The following SPTBN5 variants were observed in gnomAD, a reference collection of about 807,000 sequenced individuals.
SPTBN5 encodes the protein spectrin beta, non-erythrocytic 5, also known as spectrin beta chain, non-erythrocytic 5.
Under a neutral mutation model 477.6 loss-of-function variants are expected in SPTBN5, and 513 were observed. That is an observed-to-expected ratio of 1.07 (90% CI 1.00 to 1.16). SPTBN5 has a LOEUF of 1.16. Among genes scored for constraint, SPTBN5 ranks in the 50% most tolerant of loss-of-function variants. The probability of loss-of-function intolerance (pLI) is 0.00; values close to 1 mark genes in which losing one functional copy is unlikely to be tolerated. For synonymous variants in SPTBN5, 2,169 were observed against 2,011.7 expected (o/e 1.08, Z -2.09); for missense variants, 5,062 against 4,731.8 (o/e 1.07, Z -2.05).
At chr15:41,860,788 C>T (rs779071709) in intron 46 of SPTBN5, 30 bp from the exon 47 acceptor site, 1 of 1,478,664 alleles carries the variant, frequency 6.8e-7, no homozygotes. Flanking sequence ...CAATACTGTC[C>T]ATGAGCCTCC....
rs557456329 is a variant in SPTBN5 at position 41,868,987 on chromosome 15, C to T, written c.5854-386G>A. Reference sequence around the variant, plus strand: ...CTGCTCTTCAAAGGCCCCTTGGCCGCATTTGCCTGGCAAAGCCTTCCCTGG... The same window carrying T: ...CTGCTCTTCAAAGGCCCCTTGGCCGTATTTGCCTGGCAAAGCCTTCCCTGG... On this transcript the variant is annotated intron_variant, in intron 32 of 67. Coordinates refer to ENST00000320955, the MANE Select transcript of SPTBN5 (RefSeq NM_016642.4). Among the ~76,000 whole-genome samples the T allele has an allele frequency of 7.2e-5, 11 of 152,350 alleles. No homozygotes were observed. The East Asian group carries it at 2.1e-3, about 29-fold the overall frequency.
At position 41,851,041 on chromosome 15, in the gene SPTBN5, C is replaced by G; in HGVS notation, c.10835+18G>C. On this transcript the variant is annotated intron_variant, in intron 65 of 67. Transcript: ENST00000320955. ...TGGCTGCTGGGGGTGATGCCGGAGT[C>G]CATGTCTCTCCGCTCACCTTAAGGA... 6.2e-7 allele frequency: 1 copy of G among 1,607,818 alleles called. No homozygotes were observed. Among genetic ancestry groups the G allele is most frequent in the Middle Eastern group, 1.7e-4 (1 of 6,050 alleles).
intron 23 of SPTBN5, 105 bp downstream of exon 23, chr15:41,874,737 A>C (rs1341553722): frequency 8.5e-7 from 1 of 1,172,076 alleles, no homozygotes; most frequent in Non-Finnish European, 1.2e-6. Flanking sequence ...GACTCTACTC[A>C]TAAGGGAGGA....
At position 41,866,453 on chromosome 15, in the gene SPTBN5, T is replaced by C; in HGVS notation, c.6521A>G (p.Glu2174Gly). Residue 2174 changes from glutamate (E) to glycine (G), a missense_variant, in exon 37 of 68, where the codon GAG (glutamate) becomes GGG (glycine). By Grantham distance (98) the Glu-to-Gly change is moderately conservative (BLOSUM62 -2). Transcript: ENST00000320955. ...TCTCAGGTCCCCAGGAGGGACCGGC[T>C]CCTTCAGCTGCTGGGCCCACGCCTG... ...WIQAWAQQLK[E>G]PVPPGDLRDK... The C allele has an allele frequency of 6.3e-7, 1 of 1,598,756 alleles. No homozygotes were observed. The highest frequency in any genetic ancestry group is 1.1e-5 in the South Asian group (1 of 88,804).
Position 41,856,573 on chromosome 15 carries a change from T to C in SPTBN5, c.8834A>G (p.His2945Arg). ...CAGCACCACCCGGGTCAGAGCCTCGTGGCTGCTCATCTCACTCTCCAGGTT... is the reference window on the plus strand; with the variant it reads ...CAGCACCACCCGGGTCAGAGCCTCGCGGCTGCTCATCTCACTCTCCAGGTT... ...HQNLESEMSSHEALTRVVLGT... is the reference protein window; with the variant it reads ...HQNLESEMSSREALTRVVLGT... Residue 2945 changes from histidine (H) to arginine (R), a missense_variant, in exon 53 of 68, where the codon CAC becomes CGC. By Grantham distance (29) the His-to-Arg change is conservative. Coordinates refer to ENST00000320955, the MANE Select transcript of SPTBN5 (RefSeq NM_016642.4). 1.3e-6 allele frequency: 2 copies of C among 1,594,020 alleles called. No individual in the cohort carries two copies. Among genetic ancestry groups the C allele is most frequent in the South Asian group, 1.1e-5 (1 of 88,698 alleles).
chr15:41,879,641 C>T, intron 15 of SPTBN5, 93 bp downstream of exon 15: 1 of 1,592,994 alleles, frequency 6.3e-7, no homozygotes, highest in South Asian at 1.1e-5. Flanking sequence ...CGTCCAGCCT[C>T]TCCATCTGGC....
intron 22 of SPTBN5, 102 bp downstream of exon 22, chr15:41,875,356 G>A: frequency 2.9e-6 from 4 of 1,388,942 alleles, no homozygotes; most frequent in South Asian, 1.4e-5. Context: ...AGAGGCTGCA[G>A]AGCCAGGGTC....
At chr15:41,864,116 C>T (rs749351992) in intron 39 of SPTBN5, 92 bp from the exon 40 acceptor site, 151 of 1,140,354 alleles carry the variant, frequency 1.3e-4, no homozygotes, top group Non-Finnish European at 1.8e-4. Flanking sequence ...GCCTGGGCCC[C>T]GGAGCATGAG....
Position 41,881,937 on chromosome 15 carries a change from G to A in SPTBN5, c.2456C>T (p.Thr819Met). 2 of 1,528,102 alleles carry A rather than the reference G, an allele frequency of 1.3e-6. No individual in the cohort carries two copies. Among genetic ancestry groups the A allele is most frequent in the Admixed American group, 2.0e-5 (1 of 50,872 alleles). 94.7% of individuals were successfully genotyped at this position (1,528,102 alleles called of 1,614,324 possible). Residue 819 changes from threonine to methionine, a missense_variant and splice_region_variant, in exon 12 of 68, where the codon ACG becomes ATG. Transcript: ENST00000320955. The part of the protein sequence containing the change: ...RAASARASLF[T>M]VNSALSPPGE... ...GCCCTTCCCTGTCCCCGTCCTCACC[G>A]TGAATAACGACGCCCGGGCCGAGGC...
At position 41,855,543 on chromosome 15, in the gene SPTBN5, G is replaced by A. The variant is rs760646273; in HGVS notation, c.9218+6C>T. The A allele has an allele frequency of 5.5e-5, 89 of 1,605,744 alleles. No individual in the cohort carries two copies. The highest frequency in any genetic ancestry group is 6.7e-5 in the Non-Finnish European group (79 of 1,175,556). ...CTCCTTCGCGGATGGTGTGGCTTCC[G>A]CCCACCTTTCTGGGTTCTTCCTGCT... is the stretch of plus-strand genomic sequence containing the variant. On this transcript the variant is annotated splice_donor_region_variant and intron_variant, in intron 54 of 67. Transcript: ENST00000320955.
chr15:41,852,779 G>T lies in SPTBN5; in HGVS notation c.10348-44C>A, dbSNP rs550683278. The stretch of plus-strand genomic sequence containing the variant: ...AGGTGACGCCCAGCTTGGGGGGGGG[G>T]GCCCAGAGCCTGGTAGCCAGCTAAG... On this transcript the variant is annotated intron_variant, in intron 60 of 67. Transcript: ENST00000320955. 316 of 1,603,780 alleles carry T rather than the reference G, an allele frequency of 2.0e-4. 3 individuals carry two copies. The highest frequency in any genetic ancestry group is 1.1e-3 in the East Asian group (48 of 44,878).
At position 41,874,825 on chromosome 15, in the gene SPTBN5, G is replaced by A. The variant is rs1379528426; in HGVS notation, c.4502+17C>T. The A allele has an allele frequency of 4.4e-6, 7 of 1,594,532 alleles. No individual in the cohort carries two copies. In the South Asian group the frequency reaches 6.7e-5, roughly 15 times the overall value. On this transcript the variant is annotated intron_variant, in intron 23 of 67. Transcript: ENST00000320955. ...ATGGAGGAGTGACACACAGGTGGGT[G>A]GGAGGACAGACCCCACCTCCGGAGG... is the stretch of plus-strand genomic sequence containing the variant.
chr15:41,859,120 CTGTATT>C, intron 47 of SPTBN5, 140 bp from the exon 48 acceptor site: 1 of 606,406 alleles, frequency 1.6e-6, no homozygotes. Flanking sequence ...CACTCCCCCT[CTGTATT>C]TGTGTCTGTT....
chr15:41,861,814 C>G lies in SPTBN5; in HGVS notation c.7658G>C (p.Gly2553Ala), dbSNP rs1367116403. The G allele has an allele frequency of 6.3e-7, 1 of 1,590,318 alleles. No homozygotes were observed. The highest frequency in any genetic ancestry group is 1.7e-5 in the Admixed American group (1 of 57,520). ...FSSDIRQVLA[G>A]LEQELSSLEG... The stretch of plus-strand genomic sequence containing the variant: ...CAGGCTGCTCAGCTCCTGTTCTAAG[C>G]CAGCCAGCACCTGGCGAATGTCGGA... The change falls in exon 45 of 68, where the codon GGC becomes GCC. Residue 2553 changes from glycine to alanine, a missense_variant. Gly to Ala is a moderately conservative substitution (Grantham distance 60, BLOSUM62 0). Transcript: ENST00000320955.
intron 66 of SPTBN5, 181 bp from the exon 67 acceptor site, chr15:41,850,140 C>T: frequency 3.3e-6 from 2 of 599,918 alleles, no homozygotes; most frequent in Admixed American, 2.9e-5. Flanking sequence ...GTTTTTCCCC[C>T]ATGCGTCCTG....
Position 41,852,617 on chromosome 15 carries a change from G to C in SPTBN5, c.10449+17C>G, listed in dbSNP as rs1479399086. On this transcript the variant is annotated intron_variant, in intron 61 of 67. Coordinates refer to ENST00000320955, the MANE Select transcript of SPTBN5 (RefSeq NM_016642.4). ...TTCCCCCACCAGCCCTCAGCCCCTA[G>C]CCGAGGCAGTCGTCACCTCTGTCTT... is the stretch of plus-strand genomic sequence containing the variant. 6.2e-7 allele frequency: 1 copy of C among 1,611,976 alleles called. No individual in the cohort carries two copies. Among genetic ancestry groups the C allele is most frequent in the African/African-American group, 1.3e-5 (1 of 75,038 alleles).
chr15:41,890,841 G>A (rs2067288199), intron 3 of SPTBN5, among the ~76,000 whole-genome samples: 1 of 152,210 alleles, frequency 6.6e-6, no homozygotes, highest in Admixed American at 6.5e-5. Context: ...AGGGAGGATG[G>A]GTGAGTCAAG....
At chr15:41,881,802 G>T in intron 12 of SPTBN5, 134 bp downstream of exon 12, 2 of 782,750 alleles carry the variant, frequency 2.6e-6, no homozygotes, top group Non-Finnish European at 3.8e-6. Context: ...CTGGGGTGAG[G>T]GACACCTACA....
In SPTBN5 at chr15:41,882,407, G is replaced by T. The variant is rs1284678147; in HGVS notation, c.2109C>A (p.Arg703=). Residue 703 remains arginine (R), a synonymous_variant, in exon 11 of 68, where the codon CGC becomes CGA. Coordinates refer to ENST00000320955, the MANE Select transcript of SPTBN5 (RefSeq NM_016642.4). ...TTGGGGGCCTGCGGGCGCTGAGGTC[G>T]CGTCCCCTCCGCACGAGATCTACGC... The part of the protein sequence containing the change: ...AVCVDLVRRG[R]DLSARRPPTQ... 1 of 1,541,624 alleles carries T rather than the reference G, an allele frequency of 6.5e-7. No homozygotes were observed. The highest frequency in any genetic ancestry group is 1.2e-5 in the South Asian group (1 of 84,348).
Sources: gnomAD v4.1 joint callset for allele counts (sites outside exome capture counted in the v4.1 genomes callset) on GRCh38, gnomAD v4.1.1 for gene constraint, MANE v1.5 for transcripts, NCBI Gene and HGNC (gene_info 2026-07-23, HGNC 2026-07-21) for gene names.